Variants in SPATA18 observed in about 807,000 individuals in gnomAD.
SPATA18 encodes the protein mitochondria-eating protein.
SPATA18 carries 54 observed loss-of-function variants against 68.1 expected under a neutral mutation model. The observed-to-expected ratio is 0.79, with a 90% CI of 0.64 to 0.99. SPATA18 has a LOEUF of 0.99. SPATA18 is among the 50% of genes least tolerant of loss of function. The pLI is 0.00. For missense variants in SPATA18, 724 were observed against 681.1 expected (o/e 1.06, Z -0.70); for synonymous variants, 242 against 244.8 (o/e 0.99, Z 0.11).
At position 52,056,543 on chromosome 4, in the gene SPATA18, T is replaced by C. The variant is rs373092498; in HGVS notation, c.88-3876T>C. On this transcript the variant is annotated intron_variant, in intron 1 of 12. Transcript: ENST00000295213. ...CACTACTGGACATTCCATCCGAAGG[T>C]CCTGCAGGCCCCCTGACTTGTTCAA... is the stretch of plus-strand genomic sequence containing the variant. 2.4e-3 allele frequency among the ~76,000 whole-genome samples: 323 copies of C among 133,032 alleles called. 1 individual carries two copies. The highest frequency in any genetic ancestry group is 0.021 in the Middle Eastern group (5 of 238). The allele number at this position is 133,032 out of a possible 152,430, so 87.3% of individuals were successfully genotyped here.
intron 4 of SPATA18, among the ~76,000 whole-genome samples, chr4:52,064,833 G>A (rs992942464): frequency 6.6e-6 from 1 of 152,132 alleles, no homozygotes; most frequent in Non-Finnish European, 1.5e-5. Flanking sequence ...TCTACTTTTA[G>A]TTAAGGAATC....
At chr4:52,060,967 G>T in intron 3 of SPATA18, 70 bp downstream of exon 3, 1 of 1,252,974 alleles carries the variant, frequency 8.0e-7, no homozygotes, top group East Asian at 2.4e-5. Context: ...ACCTCCAAGA[G>T]AAGAAGAGGA....
Position 52,078,949 on chromosome 4 carries a change from T to C in SPATA18, c.1179+56T>C, listed in dbSNP as rs978503074. ...TTGCTGCTGCTGCTGCAGTTTATAT[T>C]GAGTACTAATAACTCAGAAATCCAT... On this transcript the variant is annotated intron_variant, in intron 8 of 12. Transcript: ENST00000295213. 36 of 1,467,846 alleles carry C rather than the reference T, an allele frequency of 2.5e-5. No homozygotes were observed. The Admixed American group carries it at 7.0e-4, about 29-fold the overall frequency. The allele number at this position is 1,467,846 out of a possible 1,614,324, so 90.9% of individuals were successfully genotyped here.
chr4:52,062,231 T>C lies in SPATA18; in HGVS notation c.321T>C (p.Asp107=), dbSNP rs772579938. The stretch of plus-strand genomic sequence containing the variant: ...GTGTATCTTTCCAGGACACGTTTGA[T>C]AGGGAGAGACATAAAGATCCCAGTC... The part of the protein sequence containing the change: ...SKVPSLQDTF[D]RERHKDPSPR... The change falls in exon 4 of 13, where the codon GAT becomes GAC. Residue 107 remains aspartate, a synonymous_variant. Coordinates refer to ENST00000295213, the MANE Select transcript of SPATA18 (RefSeq NM_145263.4). The C allele has an allele frequency of 2.0e-5, 32 of 1,573,008 alleles. No individual in the cohort carries two copies. The highest frequency in any genetic ancestry group is 1.5e-4 in the South Asian group (13 of 86,136).
intron 11 of SPATA18, among the ~76,000 whole-genome samples, chr4:52,085,511 T>G (rs1741339749): frequency 6.6e-6 from 1 of 152,100 alleles, no homozygotes; most frequent in Non-Finnish European, 1.5e-5. Flanking sequence ...AATACTTCTG[T>G]TAAAGAAAAA....
chr4:52,077,750 A>G (rs540412317), intron 7 of SPATA18, among the ~76,000 whole-genome samples: 1 of 152,274 alleles, frequency 6.6e-6, no homozygotes, highest in Non-Finnish European at 1.5e-5. Context: ...TGTTTGTTTA[A>G]TTAAGAGTAG....
At chr4:52,077,920 A>G (rs1189823405) in intron 7 of SPATA18, among the ~76,000 whole-genome samples, 1 of 152,214 alleles carries the variant, frequency 6.6e-6, no homozygotes, top group African/African-American at 2.4e-5. Flanking sequence ...TTAAGAAACA[A>G]AACAAAACAT....
At position 52,078,902 on chromosome 4, in the gene SPATA18, T is replaced by G; in HGVS notation, c.1179+9T>G. 6.4e-7 allele frequency: 1 copy of G among 1,567,876 alleles called. No homozygotes were observed. The highest frequency in any genetic ancestry group is 1.3e-5 in the African/African-American group (1 of 74,420). ...CTCAAAGCAGTGTCAATGTAAGTGT[T>G]GAGTCTTTTATTAGGACTGGTTTGC... is the stretch of plus-strand genomic sequence containing the variant. On this transcript the variant is annotated intron_variant, in intron 8 of 12. Coordinates refer to ENST00000295213, the MANE Select transcript of SPATA18 (RefSeq NM_145263.4).
chr4:52,094,762 T>C, intron 12 of SPATA18, 118 bp from the exon 13 acceptor site: 1 of 1,443,778 alleles, frequency 6.9e-7, no homozygotes, highest in Non-Finnish European at 9.7e-7. Flanking sequence ...AGAAGGAGCT[T>C]CCAACCAAGA....
intron 2 of SPATA18, 81 bp from the exon 3 acceptor site, chr4:52,060,701 A>C (rs1738761763): frequency 9.6e-6 from 12 of 1,254,726 alleles, no homozygotes; most frequent in Non-Finnish European, 1.4e-5. Flanking sequence ...GTACATGTAC[A>C]CAACGTGCAG....
At chr4:52,063,619 A>G (rs1236838406) in intron 4 of SPATA18, among the ~76,000 whole-genome samples, 2 of 152,212 alleles carry the variant, frequency 1.3e-5, no homozygotes, top group Non-Finnish European at 2.9e-5. Flanking sequence ...TTCTGTAAAC[A>G]TTCAGCTCAT....
intron 5 of SPATA18, among the ~76,000 whole-genome samples, chr4:52,070,897 T>TAC (rs775702782): frequency 4.6e-5 from 7 of 151,064 alleles, no homozygotes; most frequent in East Asian, 2.0e-4. Flanking sequence ...GGGGGTGTTT[T>TAC]ACACACACAC....
At position 52,082,519 on chromosome 4, in the gene SPATA18, G is replaced by T. The variant is rs1741029830; in HGVS notation, c.1479+9G>T. 1.2e-6 allele frequency: 2 copies of T among 1,613,896 alleles called. No individual in the cohort carries two copies. Among genetic ancestry groups the T allele is most frequent in the Non-Finnish European group, 1.7e-6 (2 of 1,179,938 alleles). On this transcript the variant is annotated intron_variant, in intron 10 of 12. Transcript: ENST00000295213. ...CCAGGAGAGGGGCTTTTGTACGGTG[G>T]CCTTGCATAGTGACAATTCATCCCA...
intron 11 of SPATA18, among the ~76,000 whole-genome samples, chr4:52,088,698 G>A (rs1021940066): frequency 1.3e-5 from 2 of 152,044 alleles, no homozygotes; most frequent in Non-Finnish European, 2.9e-5. Context: ...ATTTTATTGA[G>A]GATTTTTGCA....
intron 11 of SPATA18, among the ~76,000 whole-genome samples, chr4:52,086,575 T>A (rs1003359525): frequency 3.3e-5 from 5 of 152,220 alleles, no homozygotes; most frequent in Non-Finnish European, 7.3e-5. Context: ...TTCATCAATG[T>A]CCCTGCAAAG....
At chr4:52,091,302 C>G (rs993691258) in intron 11 of SPATA18, among the ~76,000 whole-genome samples, 2 of 151,994 alleles carry the variant, frequency 1.3e-5, no homozygotes, top group African/African-American at 4.8e-5. Context: ...GTTCATCAAA[C>G]TCATTCTCCA....
intron 4 of SPATA18, among the ~76,000 whole-genome samples, chr4:52,064,871 C>T (rs1045233684): frequency 6.6e-6 from 1 of 152,174 alleles, no homozygotes; most frequent in Non-Finnish European, 1.5e-5. Context: ...AGTGGTTGTA[C>T]TAGTTTACAT....
At position 52,060,224 on chromosome 4, in the gene SPATA18, T is replaced by G. The variant is rs1017916747; in HGVS notation, c.88-195T>G. On this transcript the variant is annotated intron_variant, in intron 1 of 12. Coordinates refer to ENST00000295213, the MANE Select transcript of SPATA18 (RefSeq NM_145263.4). ...TCAGTTACATGGCCACACGAACTGC[T>G]AGGGAAACTGTGAAATGTGGTCTAG... Among the ~76,000 whole-genome samples the G allele has an allele frequency of 7.2e-5, 11 of 152,322 alleles. No individual in the cohort carries two copies. The Middle Eastern group carries it at 0.01, about 141-fold the overall frequency.
intron 10 of SPATA18, among the ~76,000 whole-genome samples, chr4:52,083,730 T>A (rs1045255047): frequency 1.4e-5 from 2 of 146,874 alleles, no homozygotes; most frequent in Admixed American, 1.4e-4. Flanking sequence ...GATGACAGAG[T>A]AAGATCCTGT....
Sources: allele counts gnomAD v4.1 joint callset (sites outside exome capture counted in the v4.1 genomes callset), GRCh38; gene constraint gnomAD v4.1.1; transcripts MANE v1.5; gene names NCBI Gene and HGNC (gene_info 2026-07-23, HGNC 2026-07-21).